The following DBF4B variants were observed in gnomAD, a reference collection of about 807,000 sequenced individuals.
DBF4B encodes DBF4B-CDC7 kinase regulatory subunit.
In DBF4B, 49 loss-of-function variants were observed where a neutral mutation model predicts 53.4. The observed-to-expected ratio is 0.92, with a 90% CI of 0.73 to 1.16. DBF4B has a LOEUF of 1.16. Ranked by LOEUF, DBF4B falls within the 50% of genes most tolerant of loss-of-function variation. The pLI is 0.00. For missense variants in DBF4B, 692 were observed against 775.0 expected, an observed-to-expected ratio of 0.89 and a Z score of 1.27; for synonymous variants, 257 against 288.7, an observed-to-expected ratio of 0.89 and a Z score of 1.11.
At position 44,750,955 on chromosome 17, in the gene DBF4B, C is replaced by A. The variant is rs1342536713; in HGVS notation, c.1550C>A (p.Thr517Lys). The A allele has an allele frequency of 6.2e-7, 1 of 1,614,202 alleles. No homozygotes were observed. The highest frequency in any genetic ancestry group is 1.6e-4 in the Middle Eastern group (1 of 6,062). Reference protein sequence around the residue: ...RCWVRPFPFVTWGCLIPHDTT... With the variant: ...RCWVRPFPFVKWGCLIPHDTT... ...TGGGTTCGTCCCTTTCCTTTTGTGA[C>A]ATGGGGTTGCCTCATTCCCCATGAC... is the stretch of plus-strand genomic sequence containing the variant. Residue 517 changes from threonine (T) to lysine (K), a missense_variant, in exon 14 of 14, where the codon ACA becomes AAA. By Grantham distance (78) the Thr-to-Lys change is moderately conservative (BLOSUM62 -1). This residue lies in a region of DBF4B where 597 missense variants were observed against 665.8 expected (regional missense o/e 0.90). Coordinates refer to ENST00000315005, the MANE Select transcript of DBF4B (RefSeq NM_145663.3).
chr17:44,750,741 C>T lies in DBF4B; in HGVS notation c.1336C>T (p.Pro446Ser), dbSNP rs774777151. The change falls in exon 14 of 14, where the codon CCC (proline) becomes TCC (serine). Residue 446 changes from proline (P) to serine (S), a missense_variant. By Grantham distance (74) the Pro-to-Ser change is moderately conservative (BLOSUM62 -1). Around this residue, in one of 3 missense-constraint regions of DBF4B, gnomAD observed 597 missense variants for 665.8 expected, o/e 0.90. Coordinates refer to ENST00000315005, the MANE Select transcript of DBF4B (RefSeq NM_145663.3). Reference protein sequence around the residue: ...KGSREQGCLCPCPASFTQSHL... With the variant: ...KGSREQGCLCSCPASFTQSHL... ...CTCCAGGGAGCAGGGCTGCCTCTGTCCCTGCCCAGCCTCCTTTACCCAGTC... is the reference window on the plus strand; with the variant it reads ...CTCCAGGGAGCAGGGCTGCCTCTGTTCCTGCCCAGCCTCCTTTACCCAGTC... 24 of 1,614,066 alleles carry T rather than the reference C, an allele frequency of 1.5e-5. No homozygotes were observed. The highest frequency in any genetic ancestry group is 1.9e-5 in the Non-Finnish European group (23 of 1,180,038).
At chr17:44,713,664 C>A (rs998049617) in intron 2 of DBF4B, among the ~76,000 whole-genome samples, 1 of 151,994 alleles carries the variant, frequency 6.6e-6, no homozygotes, top group Non-Finnish European at 1.5e-5. Context: ...AACAAACAAA[C>A]AAAACATTAT....
At chr17:44,717,612 G>A (rs1028985192) in intron 2 of DBF4B, among the ~76,000 whole-genome samples, 1 of 151,866 alleles carries the variant, frequency 6.6e-6, no homozygotes, top group Non-Finnish European at 1.5e-5. Flanking sequence ...GGAAGGCTGA[G>A]GCAGGAGAAT....
intron 5 of DBF4B, chr17:44,731,258 T>TG (rs34739412): frequency 4.3e-6 from 2 of 463,306 alleles, no homozygotes; most frequent in Admixed American, 3.3e-5. Context: ...AAGAGAACTG[T>TG]GGGGATGTGG....
chr17:44,738,553 C>T (rs1314231457), intron 9 of DBF4B, 129 bp downstream of exon 9: 5 of 890,080 alleles, frequency 5.6e-6, no homozygotes, highest in Non-Finnish European at 6.6e-6. Context: ...CTTCATCTTC[C>T]TGAGAAGCCA....
Position 44,742,366 on chromosome 17 carries a change from C to T in DBF4B, c.830+914C>T, listed in dbSNP as rs528726705. ...CGGAGGTTGTAGTGAGCTGAGATTG[C>T]GCCACTGTACTTCAGCCTGGGTGAT... On this transcript the variant is annotated intron_variant, in intron 10 of 13. Coordinates refer to ENST00000315005, the MANE Select transcript of DBF4B (RefSeq NM_145663.3). 4.1e-5 allele frequency among the ~76,000 whole-genome samples: 6 copies of T among 148,094 alleles called. No homozygotes were observed. In the East Asian group the frequency reaches 7.9e-4, roughly 20 times the overall value.
At chr17:44,731,044 G>T (rs376129363) in intron 5 of DBF4B, 29 bp downstream of exon 5, 1 of 1,613,662 alleles carries the variant, frequency 6.2e-7, no homozygotes, top group South Asian at 1.1e-5. Flanking sequence ...GGACAGAGCC[G>T]GTGGTCTCCA....
chr17:44,717,552 C>CA (rs1373064673), intron 2 of DBF4B, among the ~76,000 whole-genome samples: 1 of 151,280 alleles, frequency 6.6e-6, no homozygotes, highest in Non-Finnish European at 1.5e-5. Context: ...ACTAAAAATA[C>CA]AAAAAAATTA....
In DBF4B at chr17:44,749,305, C is replaced by G; in HGVS notation, c.1189+840C>G. 7.8e-7 allele frequency: 1 copy of G among 1,290,276 alleles called. No homozygotes were observed. Among genetic ancestry groups the G allele is most frequent in the South Asian group, 1.2e-5 (1 of 81,802 alleles). 79.9% of individuals were successfully genotyped at this position (1,290,276 alleles called of 1,614,324 possible). A position where few individuals can be genotyped will look rare whatever the true frequency, so the allele number is the denominator to read the frequency against. On this transcript the variant is annotated intron_variant, in intron 13 of 13. Coordinates refer to ENST00000315005, the MANE Select transcript of DBF4B (RefSeq NM_145663.3). This position sits in a 1 kb window ranked among gnomAD's most constrained non-coding sequence, Gnocchi z 4.4. ...CCAGCCCCATGCTGGCAGAGAGCTG[C>G]TCCTACGAGTCCCCAAGGTGCTTGG...
chr17:44,724,241 A>G (rs1375350095), intron 3 of DBF4B, among the ~76,000 whole-genome samples: 2 of 152,208 alleles, frequency 1.3e-5, no homozygotes, highest in Admixed American at 1.3e-4. Context: ...TACTAAAAAT[A>G]CAAAAATTAG....
chr17:44,740,183 A>G (rs931476479), intron 9 of DBF4B, among the ~76,000 whole-genome samples: 1 of 152,204 alleles, frequency 6.6e-6, no homozygotes, highest in African/African-American at 2.4e-5. Flanking sequence ...ATTGAAGAAG[A>G]AAGAAACATG....
chr17:44,715,308 C>G (rs1352059060), intron 2 of DBF4B, among the ~76,000 whole-genome samples: 2 of 152,132 alleles, frequency 1.3e-5, no homozygotes, highest in Non-Finnish European at 2.9e-5. Context: ...TCAAGTGATT[C>G]TCCAGTCTCA....
chr17:44,715,127 C>G (rs185422775), intron 2 of DBF4B, among the ~76,000 whole-genome samples: 2 of 152,070 alleles, frequency 1.3e-5, no homozygotes, highest in East Asian at 1.9e-4. Flanking sequence ...TCTATTTTCT[C>G]TTTTCTCTTT....
intron 2 of DBF4B, among the ~76,000 whole-genome samples, chr17:44,712,855 G>A (rs146330469): frequency 1.4e-3 from 220 of 151,806 alleles, no homozygotes; most frequent in African/African-American, 4.9e-3. Flanking sequence ...AATTACAGGC[G>A]TGAGCCACCA....
At chr17:44,735,644 G>A (rs1975331973) in intron 7 of DBF4B, among the ~76,000 whole-genome samples, 1 of 152,102 alleles carries the variant, frequency 6.6e-6, no homozygotes, top group Admixed American at 6.6e-5. Context: ...CTCCAGCCTG[G>A]GCAACAGAGT....
At chr17:44,718,739 C>T (rs954074206) in intron 2 of DBF4B, 2 of 151,944 alleles carry the variant, frequency 1.3e-5, no homozygotes, top group African/African-American at 4.8e-5. Flanking sequence ...GTTTTACCTT[C>T]TGTAATTAAT....
intron 9 of DBF4B, among the ~76,000 whole-genome samples, chr17:44,740,155 C>G (rs1359368350): frequency 6.6e-6 from 1 of 152,160 alleles, no homozygotes; most frequent in African/African-American, 2.4e-5. Context: ...TTCAAGCCCC[C>G]TAAGCAGAAA....
intron 2 of DBF4B, among the ~76,000 whole-genome samples, chr17:44,712,997 A>G (rs1973018088): frequency 7.2e-6 from 1 of 138,924 alleles, no homozygotes; most frequent in African/African-American, 2.7e-5. Context: ...TCTCCCCAGT[A>G]TATATGTAGT....
chr17:44,718,798 A>C (rs1973565352), intron 2 of DBF4B: 1 of 151,794 alleles, frequency 6.6e-6, no homozygotes, highest in Non-Finnish European at 1.5e-5. Flanking sequence ...ACTGAAATTT[A>C]AATTGTTTTT....
Sources: allele counts gnomAD v4.1 joint callset (sites outside exome capture counted in the v4.1 genomes callset), GRCh38; gene constraint gnomAD v4.1.1; regional missense constraint gnomAD v4.1.1; non-coding constraint Gnocchi (gnomAD v3.1); transcripts MANE v1.5; gene names NCBI Gene and HGNC (gene_info 2026-07-23, HGNC 2026-07-21).